Variants in RAP1GDS1 observed in about 807,000 individuals in gnomAD.
The protein encoded by RAP1GDS1 is Rap1 GTPase-GDP dissociation stimulator 1.
RAP1GDS1 carries 35 observed loss-of-function variants against 71.1 expected under a neutral mutation model. That is an observed-to-expected ratio of 0.49 (90% confidence interval 0.38 to 0.65). RAP1GDS1 has a LOEUF of 0.65. RAP1GDS1 is among the 30% of genes least tolerant of loss of function. The pLI is 0.00. For missense variants in RAP1GDS1, 663 were observed against 706.1 expected, an observed-to-expected ratio of 0.94 and a Z score of 0.69; for synonymous variants, 229 against 243.1, an observed-to-expected ratio of 0.94 and a Z score of 0.54.
chr4:98,276,688 A>G (rs10003496), intron 1 of RAP1GDS1, among the ~76,000 whole-genome samples: 6,331 of 152,220 alleles, frequency 0.042, 310 homozygotes, highest in African/African-American at 0.12. Flanking sequence ...ACTGGACATC[A>G]TTCTAAGGAT....
chr4:98,277,341 G>A (rs1332050516), intron 1 of RAP1GDS1, among the ~76,000 whole-genome samples: 1 of 152,044 alleles, frequency 6.6e-6, no homozygotes, highest in East Asian at 1.9e-4. Flanking sequence ...TACATCAATT[G>A]TATTACTTTC....
At chr4:98,387,736 G>C (rs147301231) in intron 5 of RAP1GDS1, among the ~76,000 whole-genome samples, 1 of 152,172 alleles carries the variant, frequency 6.6e-6, no homozygotes, top group Non-Finnish European at 1.5e-5. Flanking sequence ...ACATTGTGCT[G>C]TCTAAAGACT....
chr4:98,412,502 G>A (rs889364655), intron 7 of RAP1GDS1, among the ~76,000 whole-genome samples: 8 of 152,268 alleles, frequency 5.3e-5, no homozygotes, highest in Admixed American at 1.3e-4. Context: ...GCAACGGAGC[G>A]AGACACTGTC....
At position 98,416,348 on chromosome 4, in the gene RAP1GDS1, T is replaced by TG. The variant is rs1560986516; in HGVS notation, c.764-397_764-396insG. On this transcript the variant is annotated intron_variant, in intron 7 of 14. Transcript: ENST00000408927. ...GCATTTTCTTAGTTTTTTTTTTTTT[T>TG]TTTTTTTTTTTTTTTTGAGACAGAG... is the stretch of plus-strand genomic sequence containing the variant. Among the ~76,000 whole-genome samples, 2 of 125,674 alleles carry TG rather than the reference T, an allele frequency of 1.6e-5. 1 individual carries two copies. The highest frequency in any genetic ancestry group is 3.4e-5 in the Non-Finnish European group (2 of 59,374). The allele number at this position is 125,674 out of a possible 152,430, so 82.4% of individuals were successfully genotyped here. A position where few individuals can be genotyped will look rare whatever the true frequency, so the allele number is the denominator to read the frequency against.
intron 1 of RAP1GDS1, among the ~76,000 whole-genome samples, chr4:98,280,270 G>C (rs1724868975): frequency 6.6e-6 from 1 of 152,226 alleles, no homozygotes; most frequent in Non-Finnish European, 1.5e-5. Context: ...TCCAGCATCT[G>C]TTATTTCCTG....
chr4:98,303,049 TA>T (rs536421624), intron 2 of RAP1GDS1, among the ~76,000 whole-genome samples: 3,516 of 104,814 alleles, frequency 0.034, 112 homozygotes, highest in African/African-American at 0.1. Flanking sequence ...CAGTCTCAAA[TA>T]AAAAAAAAAA....
At chr4:98,328,315 A>G (rs1733442207) in intron 2 of RAP1GDS1, among the ~76,000 whole-genome samples, 1 of 152,208 alleles carries the variant, frequency 6.6e-6, no homozygotes, top group Admixed American at 6.5e-5. Flanking sequence ...CTATCAAGTG[A>G]AAAAAAGTAG....
chr4:98,308,296 A>AATATATATAT (rs1729667126), intron 2 of RAP1GDS1, among the ~76,000 whole-genome samples: 1 of 54,686 alleles, frequency 1.8e-5, no homozygotes, highest in Admixed American at 2.2e-4. Flanking sequence ...ACACACACAC[A>AATATATATAT]CTATATATAT....
At chr4:98,370,592 C>G (rs1438459785) in intron 4 of RAP1GDS1, among the ~76,000 whole-genome samples, 2 of 148,182 alleles carry the variant, frequency 1.3e-5, no homozygotes, top group Non-Finnish European at 3.0e-5. Context: ...TTAACAGAGT[C>G]TCGCTCTGTC....
Position 98,308,032 on chromosome 4 carries a change from C to A in RAP1GDS1, c.112+14517C>A, listed in dbSNP as rs376731178. Among the ~76,000 whole-genome samples, 6 of 151,574 alleles carry A rather than the reference C, an allele frequency of 4.0e-5. No individual in the cohort carries two copies. The East Asian group carries it at 9.7e-4, about 24-fold the overall frequency. ...ATAAGGCCGGGCACAGTGGCTCATACCTGTAATCCCTGCATTTTGGGAGGC... is the reference window on the plus strand; with the variant it reads ...ATAAGGCCGGGCACAGTGGCTCATAACTGTAATCCCTGCATTTTGGGAGGC... On this transcript the variant is annotated intron_variant, in intron 2 of 14. Transcript: ENST00000408927.
At chr4:98,431,426 AC>A (rs1424405376) in intron 12 of RAP1GDS1, among the ~76,000 whole-genome samples, 1 of 152,236 alleles carries the variant, frequency 6.6e-6, no homozygotes, top group African/African-American at 2.4e-5. Flanking sequence ...GGGCAAATTG[AC>A]TAAATGCTAA....
intron 7 of RAP1GDS1, among the ~76,000 whole-genome samples, chr4:98,411,098 C>T (rs541671480): frequency 2.0e-5 from 3 of 152,256 alleles, no homozygotes; most frequent in South Asian, 2.1e-4. Flanking sequence ...ATATATGATG[C>T]ATACATGATA....
chr4:98,376,267 G>C (rs757346586), intron 4 of RAP1GDS1, among the ~76,000 whole-genome samples: 1 of 152,052 alleles, frequency 6.6e-6, no homozygotes, highest in African/African-American at 2.4e-5. Context: ...TAGGTTAGCT[G>C]TTACTTATGA....
At chr4:98,273,050 T>TG (rs1050622412) in intron 1 of RAP1GDS1, among the ~76,000 whole-genome samples, 21 of 152,298 alleles carry the variant, frequency 1.4e-4, no homozygotes, top group African/African-American at 4.8e-4. Flanking sequence ...TCAGCTTTGA[T>TG]GATTGCTCTC....
intron 1 of RAP1GDS1, among the ~76,000 whole-genome samples, chr4:98,289,231 TC>T (rs748818007): frequency 4.6e-5 from 7 of 152,098 alleles, no homozygotes; most frequent in Non-Finnish European, 1.0e-4. Context: ...ATAGAAACTT[TC>T]ATGTTTATCA....
At chr4:98,408,951 G>A (rs1746580196) in intron 7 of RAP1GDS1, among the ~76,000 whole-genome samples, 1 of 152,042 alleles carries the variant, frequency 6.6e-6, no homozygotes, top group Admixed American at 6.5e-5. Flanking sequence ...AAATAAAAAA[G>A]CATTTGCTTT....
At chr4:98,308,950 G>A (rs1425048259) in intron 2 of RAP1GDS1, among the ~76,000 whole-genome samples, 4 of 151,924 alleles carry the variant, frequency 2.6e-5, no homozygotes, top group East Asian at 1.9e-4. Context: ...TTACAAGGTC[G>A]TATTATATCA....
intron 7 of RAP1GDS1, among the ~76,000 whole-genome samples, chr4:98,416,335 T>TG (rs1747991422): frequency 7.3e-5 from 4 of 55,084 alleles, no homozygotes; most frequent in African/African-American, 2.2e-4. Flanking sequence ...ATTTTCTTAG[T>TG]TTTTTTTTTT....
chr4:98,280,451 G>C (rs1463127672), intron 1 of RAP1GDS1, among the ~76,000 whole-genome samples: 1 of 152,006 alleles, frequency 6.6e-6, no homozygotes, highest in Non-Finnish European at 1.5e-5. Context: ...CTTTTTGATG[G>C]GGTTGTTTGT....
Sources: gnomAD v4.1 joint callset for allele counts (sites outside exome capture counted in the v4.1 genomes callset) on GRCh38, gnomAD v4.1.1 for gene constraint, MANE v1.5 for transcripts, NCBI Gene and HGNC (gene_info 2026-07-23, HGNC 2026-07-21) for gene names.